Variants in TRIM36 observed in about 807,000 individuals in gnomAD.
TRIM36 encodes E3 ubiquitin-protein ligase TRIM36.
Under a neutral mutation model 72.4 loss-of-function variants are expected in TRIM36, and 42 were observed. The ratio of observed to expected loss-of-function variants is 0.58; its 90% CI spans 0.45 to 0.75. The LOEUF is 0.75. TRIM36 is among the 30% of genes least tolerant of loss of function. The pLI, the probability that TRIM36 is intolerant of heterozygous loss-of-function variation, is 0.00. For synonymous variants in TRIM36, 315 were observed against 282.8 expected (o/e 1.11, Z -1.14); for missense variants, 913 against 857.1 (o/e 1.07, Z -0.81).
chr5:115,130,402 A>C (rs1163799859), intron 9 of TRIM36, among the ~76,000 whole-genome samples, 190 bp downstream of exon 9: 1 of 152,238 alleles, frequency 6.6e-6, no homozygotes, highest in Non-Finnish European at 1.5e-5. Flanking sequence ...GATATTAAAA[A>C]GTAACTGCTA....
intron 1 of TRIM36, among the ~76,000 whole-genome samples, chr5:115,175,909 G>A (rs1364490223): frequency 6.6e-6 from 1 of 152,120 alleles, no homozygotes; most frequent in Non-Finnish European, 1.5e-5. Flanking sequence ...TAGATCACTT[G>A]AGGTCAGGAG....
intron 4 of TRIM36, among the ~76,000 whole-genome samples, chr5:115,142,309 CTAA>C (rs1753320940): frequency 6.6e-6 from 1 of 152,104 alleles, no homozygotes; most frequent in Admixed American, 6.6e-5. Flanking sequence ...AATGGCAATT[CTAA>C]TAATACCATC....
chr5:115,132,163 C>T (rs1329860587), intron 8 of TRIM36, among the ~76,000 whole-genome samples: 1 of 149,394 alleles, frequency 6.7e-6, no homozygotes, highest in East Asian at 2.0e-4. Context: ...ATAGTGAGAC[C>T]CCATCTCTCT....
intron 8 of TRIM36, 54 bp downstream of exon 8, chr5:115,133,806 C>G: frequency 2.0e-6 from 3 of 1,503,988 alleles, no homozygotes; most frequent in Non-Finnish European, 2.7e-6. Context: ...TTTATTTTAT[C>G]AAGGTCTCTT....
chr5:115,154,773 C>T (rs1209905056), intron 2 of TRIM36, among the ~76,000 whole-genome samples: 1 of 152,148 alleles, frequency 6.6e-6, no homozygotes, highest in Non-Finnish European at 1.5e-5. Flanking sequence ...ACAATTGGTA[C>T]TAATCATATT....
intron 2 of TRIM36, chr5:115,149,223 C>A (rs985442973): frequency 6.6e-6 from 1 of 152,072 alleles, no homozygotes; most frequent in African/African-American, 2.4e-5. Flanking sequence ...CCACAGCAGG[C>A]ATATCATGAA....
At chr5:115,150,998 T>C (rs560674308) in intron 2 of TRIM36, among the ~76,000 whole-genome samples, 7 of 152,240 alleles carry the variant, frequency 4.6e-5, no homozygotes, top group South Asian at 4.1e-4. Context: ...CAGCTAAAGT[T>C]TGTAACAATT....
intron 1 of TRIM36, among the ~76,000 whole-genome samples, chr5:115,168,599 T>G (rs2126943829): frequency 6.6e-6 from 1 of 152,370 alleles, no homozygotes; most frequent in South Asian, 2.1e-4. Flanking sequence ...CAACTGGTTT[T>G]ATCATTGTCA....
At chr5:115,177,933 G>A (rs1755418619) in intron 1 of TRIM36, 1 of 1,564,386 alleles carries the variant, frequency 6.4e-7, no homozygotes, top group Admixed American at 1.7e-5. Flanking sequence ...AAGCCAGAAA[G>A]TTAGTTTGTG....
At chr5:115,170,414 G>A (rs925710978), upstream of TRIM36, among the ~76,000 whole-genome samples, 36 of 152,190 alleles carry the variant, frequency 2.4e-4, no homozygotes, top group African/African-American at 8.4e-4. Context: ...TGCGGGCGAG[G>A]GCGAGCCTAA....
Position 115,126,753 on chromosome 5 carries a change from G to T in TRIM36, c.1901C>A (p.Pro634His). 1 of 1,614,016 alleles carries T rather than the reference G, an allele frequency of 6.2e-7. No homozygotes were observed. Among genetic ancestry groups the T allele is most frequent in the Non-Finnish European group, 8.5e-7 (1 of 1,180,020 alleles). ...VTIGMQKFFI[P>H]KSPTSSNEPE... ...TTCATTAGAAGAAGTAGGTGACTTGGGTATAAAAAATTTCTGCATGCCTAT... is the reference window on the plus strand; with the variant it reads ...TTCATTAGAAGAAGTAGGTGACTTGTGTATAAAAAATTTCTGCATGCCTAT... Residue 634 changes from proline (P) to histidine (H), a missense_variant, in exon 10 of 10, where the codon CCC becomes CAC. Coordinates refer to ENST00000513154, the MANE Select transcript of TRIM36 (RefSeq NM_001300759.2).
At chr5:115,154,399 A>G (rs1754057101) in intron 2 of TRIM36, among the ~76,000 whole-genome samples, 1 of 152,152 alleles carries the variant, frequency 6.6e-6, no homozygotes, top group Non-Finnish European at 1.5e-5. Context: ...TAAATCAAAC[A>G]AAAAGCTGAT....
chr5:115,130,983 A>G, intron 8 of TRIM36, 94 bp from the exon 9 acceptor site: 1 of 1,403,972 alleles, frequency 7.1e-7, no homozygotes, highest in Non-Finnish European at 9.5e-7. Flanking sequence ...TACTGAAGAG[A>G]GACAGGAAGC....
Position 115,139,032 on chromosome 5 carries a change from G to A in TRIM36, c.832-1416C>T, listed in dbSNP as rs368610314. On this transcript the variant is annotated intron_variant, in intron 5 of 9. Coordinates refer to ENST00000513154, the MANE Select transcript of TRIM36 (RefSeq NM_001300759.2). The stretch of plus-strand genomic sequence containing the variant: ...GATGGGGTTTCACCGTGTTAGCCAG[G>A]ATGGTCTTGATCTCCTGACCTCATG... Among the ~76,000 whole-genome samples, 61 of 152,072 alleles carry A rather than the reference G, an allele frequency of 4.0e-4. 1 individual carries two copies. The East Asian group carries it at 0.012, about 29-fold the overall frequency.
chr5:115,156,956 CAAAT>C (rs1754205008), intron 2 of TRIM36, among the ~76,000 whole-genome samples: 1 of 152,074 alleles, frequency 6.6e-6, no homozygotes, highest in Admixed American at 6.6e-5. Flanking sequence ...ACAATGAACT[CAAAT>C]AAATCAATAA....
intron 8 of TRIM36, among the ~76,000 whole-genome samples, chr5:115,133,333 A>G (rs566512617): frequency 6.6e-6 from 1 of 152,286 alleles, no homozygotes; most frequent in South Asian, 2.1e-4. Context: ...ATGACTGGGC[A>G]TAAGGAGCTT....
chr5:115,151,329 T>C (rs1753881031), intron 2 of TRIM36, among the ~76,000 whole-genome samples: 1 of 152,104 alleles, frequency 6.6e-6, no homozygotes, highest in Non-Finnish European at 1.5e-5. Context: ...CATAACTCCA[T>C]TGACCTGGAA....
Position 115,177,873 on chromosome 5 carries a change from C to A in TRIM36, c.63+2102G>T, listed in dbSNP as rs1394151479. On this transcript the variant is annotated intron_variant, in intron 1 of 9. Coordinates refer to the TRIM36 transcript ENST00000282369. ...TTTGCTGCAGGCCCATTGCTGAAGC[C>A]TAGTGAAGAGAGAGACAGAGAGAGA... The A allele has an allele frequency of 4.3e-6, 7 of 1,613,652 alleles. No homozygotes were observed. In the South Asian group the frequency reaches 6.6e-5, roughly 15 times the overall value.
chr5:115,129,452 G>T (rs1358662372), intron 9 of TRIM36, among the ~76,000 whole-genome samples: 1 of 152,156 alleles, frequency 6.6e-6, no homozygotes, highest in African/African-American at 2.4e-5. Context: ...CAGCTATTTG[G>T]GAGGCTGAGG....
Sources: gnomAD v4.1 joint callset for allele counts (sites outside exome capture counted in the v4.1 genomes callset) on GRCh38, gnomAD v4.1.1 for gene constraint, MANE v1.5 for transcripts, NCBI Gene and HGNC (gene_info 2026-07-23, HGNC 2026-07-21) for gene names.